The following DCC variants were observed in gnomAD, a reference collection of about 807,000 sequenced individuals.
DCC encodes the protein DCC netrin 1 receptor, also known as netrin receptor DCC.
A neutral mutation model predicts 172.5 loss-of-function variants in DCC; 58 were observed. That is an observed-to-expected ratio of 0.34 (90% confidence interval 0.27 to 0.42). The LOEUF (loss-of-function observed/expected upper bound fraction) is 0.42, where lower values mean the gene tolerates loss of function less well. DCC is among the 10% of genes least tolerant of loss of function. The pLI is 1.00. For synonymous variants in DCC, 709 were observed against 644.5 expected, an observed-to-expected ratio of 1.10 and a Z score of -1.52; for missense variants, 1,740 against 1,791.0, an observed-to-expected ratio of 0.97 and a Z score of 0.51.
At chr18:52,479,588 C>A (rs563458807) in intron 1 of DCC, among the ~76,000 whole-genome samples, 22 of 150,472 alleles carry the variant, frequency 1.5e-4, no homozygotes, top group Admixed American at 2.0e-4. Context: ...CCACCCCCCC[C>A]CCGTCTCCCT....
chr18:53,063,650 G>A, intron 6 of DCC, 191 bp downstream of exon 6: 1 of 557,484 alleles, frequency 1.8e-6, no homozygotes, highest in South Asian at 2.1e-5. Context: ...AGTGATCAAA[G>A]AATTCAGCCC....
At chr18:52,920,719 G>A (rs2040110813) in intron 3 of DCC, among the ~76,000 whole-genome samples, 1 of 152,082 alleles carries the variant, frequency 6.6e-6, no homozygotes, top group African/African-American at 2.4e-5. Context: ...TGATAAAAAT[G>A]TATGCTTGAA....
chr18:53,312,564 A>G (rs2057287524), intron 13 of DCC, among the ~76,000 whole-genome samples: 1 of 151,266 alleles, frequency 6.6e-6, no homozygotes, highest in Non-Finnish European at 1.5e-5. Context: ...GGACGTGGTA[A>G]CTTAAGCCTG....
chr18:53,279,192 G>A lies in DCC; in HGVS notation c.1912-26386G>A, dbSNP rs542322466. On this transcript the variant is annotated intron_variant, in intron 12 of 28. Transcript: ENST00000442544. The stretch of plus-strand genomic sequence containing the variant: ...GATGAACATTTTTTCATGTGCACAT[G>A]CACACGTATGCTTATTGTGGCACTA... 7.9e-5 allele frequency among the ~76,000 whole-genome samples: 12 copies of A among 152,168 alleles called. No individual in the cohort carries two copies. In the South Asian group the frequency reaches 2.5e-3, roughly 32 times the overall value.
At chr18:53,331,731 TAGAC>T (rs1345616522) in intron 14 of DCC, among the ~76,000 whole-genome samples, 1 of 152,126 alleles carries the variant, frequency 6.6e-6, no homozygotes, top group Non-Finnish European at 1.5e-5. Context: ...AAGAACTTGA[TAGAC>T]AGAGACCACG....
intron 5 of DCC, among the ~76,000 whole-genome samples, chr18:53,053,592 A>G (rs1225496079): frequency 2.0e-5 from 3 of 152,208 alleles, no homozygotes; most frequent in African/African-American, 7.2e-5. Flanking sequence ...GCAGTTAAAA[A>G]GACAGAGAAA....
intron 1 of DCC, among the ~76,000 whole-genome samples, chr18:52,682,762 G>A (rs558255451): frequency 6.6e-6 from 1 of 152,194 alleles, no homozygotes; most frequent in East Asian, 1.9e-4. Context: ...AATGACTGGG[G>A]GAAGGGTTAC....
At chr18:52,549,666 T>C (rs2032710713) in intron 1 of DCC, among the ~76,000 whole-genome samples, 1 of 152,124 alleles carries the variant, frequency 6.6e-6, no homozygotes, top group Admixed American at 6.6e-5. Context: ...ATTTCATCTT[T>C]TTGTAGTAGC....
chr18:52,403,002 A>G (rs1402270432), intron 1 of DCC, among the ~76,000 whole-genome samples: 1 of 152,056 alleles, frequency 6.6e-6, no homozygotes. Context: ...CTGAAGATGC[A>G]TGTGTTTTCT....
At position 53,535,382 on chromosome 18, in the gene DCC, A is replaced by G. The variant is rs535846016; in HGVS notation, c.*4729A>G. The stretch of plus-strand genomic sequence containing the variant: ...CAGGCAAAGCCTTCACTGAAGTTCC[A>G]TCATCGCCACTTCTCCCTTTTTAGG... On this transcript the variant is annotated 3_prime_UTR_variant, in exon 29 of 29. Coordinates refer to ENST00000442544, the MANE Select transcript of DCC (RefSeq NM_005215.4). 4 of 152,334 alleles carry G rather than the reference A, an allele frequency of 2.6e-5. No individual in the cohort carries two copies. Among genetic ancestry groups the G allele is most frequent in the South Asian group, 2.1e-4 (1 of 4,830 alleles). 9.4% of individuals were successfully genotyped at this position (152,334 alleles called of 1,614,324 possible).
rs150849806 is a variant in DCC, at chr18:52,808,660, C to A, written c.412+56286C>A. 4.8e-3 allele frequency among the ~76,000 whole-genome samples: 726 copies of A among 152,268 alleles called. 7 individuals carry two copies. The highest frequency in any genetic ancestry group is 0.016 in the African/African-American group (665 of 41,556). On this transcript the variant is annotated intron_variant, in intron 2 of 28. Coordinates refer to ENST00000442544, the MANE Select transcript of DCC (RefSeq NM_005215.4). ...CATAAATCCAAGGGAGTGTCTCCTG[C>A]CACCTGCCAGTGGCAGGCAGAAGTT...
intron 5 of DCC, among the ~76,000 whole-genome samples, chr18:52,952,714 A>G (rs2145551870): frequency 6.6e-6 from 1 of 152,204 alleles, no homozygotes; most frequent in East Asian, 1.9e-4. Flanking sequence ...TAAATCCTAT[A>G]ATAGGCTGGG....
At chr18:53,048,445 A>T (rs1286388155) in intron 5 of DCC, among the ~76,000 whole-genome samples, 2 of 150,926 alleles carry the variant, frequency 1.3e-5, no homozygotes, top group African/African-American at 4.9e-5. Flanking sequence ...GTTGCTTTAG[A>T]GGACATGATC....
intron 1 of DCC, among the ~76,000 whole-genome samples, chr18:52,483,338 T>C (rs941282874): frequency 6.6e-6 from 1 of 152,142 alleles, no homozygotes; most frequent in Non-Finnish European, 1.5e-5. Flanking sequence ...TAGCTTCTAT[T>C]CTCATTTTAC....
chr18:53,275,395 T>G (rs138937751), intron 12 of DCC, among the ~76,000 whole-genome samples: 307 of 152,142 alleles, frequency 2.0e-3, no homozygotes, highest in African/African-American at 7.1e-3. Flanking sequence ...GAAAACTCAG[T>G]CAAATATATG....
chr18:52,500,996 G>A (rs2030996177), intron 1 of DCC, among the ~76,000 whole-genome samples: 1 of 152,122 alleles, frequency 6.6e-6, no homozygotes, highest in Non-Finnish European at 1.5e-5. Context: ...AATATTTGAA[G>A]TATGCACATT....
chr18:52,834,907 CTATA>C (rs893338055), intron 2 of DCC, among the ~76,000 whole-genome samples: 12 of 112,306 alleles, frequency 1.1e-4, no homozygotes, highest in Non-Finnish European at 7.7e-5. Flanking sequence ...TGTGCATACA[CTATA>C]TATGTATATG....
At chr18:53,000,610 T>A (rs1369507793) in intron 5 of DCC, among the ~76,000 whole-genome samples, 3 of 89,490 alleles carry the variant, frequency 3.4e-5, no homozygotes, top group South Asian at 3.7e-4. Context: ...TTTTTTTTTT[T>A]AACATCCAGA....
intron 2 of DCC, among the ~76,000 whole-genome samples, chr18:52,804,435 A>G (rs1288250118): frequency 6.6e-6 from 1 of 152,190 alleles, no homozygotes; most frequent in Non-Finnish European, 1.5e-5. Flanking sequence ...TTTCATCTAC[A>G]TTGTATCGTT....
Sources: allele counts gnomAD v4.1 joint callset (sites outside exome capture counted in the v4.1 genomes callset), GRCh38; gene constraint gnomAD v4.1.1; transcripts MANE v1.5; gene names NCBI Gene and HGNC (gene_info 2026-07-23, HGNC 2026-07-21).